The following TANC2 variants were observed in gnomAD, a reference collection of about 807,000 sequenced individuals.
The protein encoded by TANC2 is protein TANC2.
In TANC2, 26 loss-of-function variants were observed where a neutral mutation model predicts 210.5. That is an observed-to-expected ratio of 0.12 (90% CI 0.09 to 0.17). The LOEUF is 0.17. Among genes scored for constraint, TANC2 ranks in the 10% least tolerant of loss-of-function variants. The pLI is 1.00. For missense variants in TANC2, 2,129 were observed against 2,608.9 expected, an observed-to-expected ratio of 0.82 and a Z score of 4.01; for synonymous variants, 931 against 967.1, an observed-to-expected ratio of 0.96 and a Z score of 0.69.
chr17:63,128,827 A>G (rs1329877434), intron 4 of TANC2, among the ~76,000 whole-genome samples: 7 of 152,184 alleles, frequency 4.6e-5, no homozygotes, highest in Admixed American at 6.5e-5. Flanking sequence ...TCTTGTCTGT[A>G]TATGACTTAG....
At chr17:63,233,061 G>A (rs2042522638) in intron 7 of TANC2, among the ~76,000 whole-genome samples, 1 of 152,250 alleles carries the variant, frequency 6.6e-6, no homozygotes. Flanking sequence ...GTGCTGCACT[G>A]TGGGGAATTC....
chr17:63,193,381 G>C (rs2041246859), intron 5 of TANC2, among the ~76,000 whole-genome samples: 2 of 152,086 alleles, frequency 1.3e-5, no homozygotes, highest in East Asian at 3.9e-4. Flanking sequence ...CTGACCCCCA[G>C]CTTGTGACTT....
intron 4 of TANC2, among the ~76,000 whole-genome samples, chr17:63,109,527 G>C (rs2037953967): frequency 6.6e-6 from 1 of 151,602 alleles, no homozygotes; most frequent in East Asian, 1.9e-4. Flanking sequence ...AGAAATCAAA[G>C]ATCTCCAAGA....
chr17:63,199,400 T>C lies in TANC2; in HGVS notation c.583-1371T>C, dbSNP rs74724161. Among the ~76,000 whole-genome samples, 28 of 151,968 alleles carry C rather than the reference T, an allele frequency of 1.8e-4. No homozygotes were observed. The East Asian group carries it at 4.8e-3, about 26-fold the overall frequency. ...CACTTTGGGAGGCTGAGGTGGGAAG[T>C]ACACATTCAGGAGTTCAAGACCAGC... On this transcript the variant is annotated intron_variant, in intron 6 of 27. Coordinates refer to ENST00000689528, the Ensembl canonical transcript of TANC2.
At chr17:63,371,023 C>T (rs1435884291) in intron 14 of TANC2, among the ~76,000 whole-genome samples, 1 of 152,194 alleles carries the variant, frequency 6.6e-6, no homozygotes, top group African/African-American at 2.4e-5. Flanking sequence ...CTTTAAATAA[C>T]CCACATTAGC....
intron 7 of TANC2, among the ~76,000 whole-genome samples, chr17:63,229,240 G>A (rs574725883): frequency 6.6e-6 from 1 of 152,312 alleles, no homozygotes; most frequent in African/African-American, 2.4e-5. Flanking sequence ...TTATGGATTT[G>A]TGTATGTTGA....
At chr17:63,212,294 A>G (rs756856949) in intron 7 of TANC2, among the ~76,000 whole-genome samples, 3 of 152,200 alleles carry the variant, frequency 2.0e-5, no homozygotes, top group Non-Finnish European at 4.4e-5. Context: ...TAAGTTCTCT[A>G]TGATTAATTT....
intron 4 of TANC2, among the ~76,000 whole-genome samples, chr17:63,135,148 C>G (rs1268807543): frequency 6.6e-6 from 1 of 151,994 alleles, no homozygotes; most frequent in East Asian, 1.9e-4. Flanking sequence ...CCCAAGAGGT[C>G]AAGACTGCAG....
intron 20 of TANC2, 83 bp downstream of exon 20, chr17:63,405,338 C>T: frequency 7.1e-7 from 1 of 1,410,066 alleles, no homozygotes; most frequent in Non-Finnish European, 9.4e-7. Flanking sequence ...AAAATGATCA[C>T]AAGTAAAGTT....
At chr17:63,037,675 A>G (rs887481140) in intron 2 of TANC2, among the ~76,000 whole-genome samples, 3 of 152,052 alleles carry the variant, frequency 2.0e-5, no homozygotes, top group African/African-American at 7.2e-5. Flanking sequence ...TTAGCCAGGC[A>G]TGCTGGCGGG....
chr17:63,164,647 A>AT (rs971513730), intron 5 of TANC2, among the ~76,000 whole-genome samples: 12 of 152,150 alleles, frequency 7.9e-5, no homozygotes, highest in Non-Finnish European at 1.6e-4. Flanking sequence ...AGCTGGTGGT[A>AT]TAGTAATCCA....
chr17:63,173,255 TAGAC>T (rs1251803588), intron 5 of TANC2, among the ~76,000 whole-genome samples: 2 of 152,194 alleles, frequency 1.3e-5, no homozygotes, highest in Non-Finnish European at 1.5e-5. Context: ...ACTGAGTGTG[TAGAC>T]AGACAGTGAC....
intron 2 of TANC2, among the ~76,000 whole-genome samples, chr17:63,039,798 C>T (rs879311570): frequency 1.3e-5 from 2 of 152,054 alleles, no homozygotes; most frequent in African/African-American, 2.4e-5. Context: ...GTTCTAAAAT[C>T]TTCATGCCCT....
intron 2 of TANC2, among the ~76,000 whole-genome samples, chr17:63,063,704 A>G (rs1049425502): frequency 6.9e-6 from 1 of 144,648 alleles, no homozygotes; most frequent in Non-Finnish European, 1.5e-5. Context: ...GTGTGTAGAG[A>G]TATATCTCTT....
chr17:62,992,565 TA>T (rs2032922673), intron 1 of TANC2, among the ~76,000 whole-genome samples: 1 of 152,208 alleles, frequency 6.6e-6, no homozygotes, highest in Admixed American at 6.5e-5. Context: ...CAGTGCCAAA[TA>T]AAAAATTCAG....
rs1221032425 is a variant in TANC2, at chr17:63,219,829, G to A, written c.770-17985G>A. Among the ~76,000 whole-genome samples, 5 of 151,756 alleles carry A rather than the reference G, an allele frequency of 3.3e-5. No individual in the cohort carries two copies. The South Asian group carries it at 6.3e-4, about 19-fold the overall frequency. ...AATAAAAGCAAAAATTAAAAAAAAA[G>A]AAATTAACGACCTGATATTATCATT... On this transcript the variant is annotated intron_variant, in intron 7 of 27. Transcript: ENST00000689528.
chr17:63,009,745 T>C (rs1385065677), intron 2 of TANC2, 119 bp downstream of exon 2: 3 of 837,664 alleles, frequency 3.6e-6, no homozygotes, highest in South Asian at 3.6e-5. Context: ...AAAGAAAGTT[T>C]ACATTTCTTT....
intron 4 of TANC2, chr17:63,150,811 A>G (rs1187822321): frequency 6.6e-6 from 1 of 152,214 alleles, no homozygotes; most frequent in Non-Finnish European, 1.5e-5. Context: ...TACAGTTATT[A>G]TAAACAAAAC....
chr17:63,079,646 A>C (rs934865189), intron 3 of TANC2, among the ~76,000 whole-genome samples: 1 of 152,188 alleles, frequency 6.6e-6, no homozygotes, highest in Non-Finnish European at 1.5e-5. Context: ...ATCCCCATAT[A>C]GGTGCATACT....
Sources: gnomAD v4.1 joint callset for allele counts (sites outside exome capture counted in the v4.1 genomes callset) on GRCh38, gnomAD v4.1.1 for gene constraint, MANE v1.5 for transcripts, NCBI Gene and HGNC (gene_info 2026-07-23, HGNC 2026-07-21) for gene names.